TSSK3: variants seen among roughly 807,000 people sequenced by gnomAD.
TSSK3 encodes testis specific serine kinase 3, also known as testis-specific serine/threonine-protein kinase 3.
A neutral mutation model predicts 18.9 loss-of-function variants in TSSK3; 16 were observed. The ratio of observed to expected loss-of-function variants is 0.85; its 90% CI spans 0.57 to 1.28. The LOEUF is 1.28. Ranked by LOEUF, TSSK3 falls within the 50% of genes most tolerant of loss-of-function variation. TSSK3 has a pLI of 0.00. For missense variants in TSSK3, 345 were observed against 341.0 expected (o/e 1.01, Z -0.09); for synonymous variants, 146 against 133.9 (o/e 1.09, Z -0.62).
At chr1:32,363,006 G>C in intron 1 of TSSK3, 160 bp downstream of exon 1, 1 of 788,040 alleles carries the variant, frequency 1.3e-6, no homozygotes, top group East Asian at 2.5e-5. Flanking sequence ...GTGGGGAACA[G>C]AGGGGTTCTG....
At position 32,364,108 on chromosome 1, in the gene TSSK3, GGCA is replaced by G. The variant is rs1239007241; in HGVS notation, c.667_669del (p.Gln223del). On this transcript the variant is annotated inframe_deletion, in exon 2 of 2. Coordinates refer to ENST00000373534, the MANE Select transcript of TSSK3 (RefSeq NM_052841.4). The stretch of plus-strand genomic sequence containing the variant: ...GACACAGACATCCCCAAGATGCTGT[GGCA>G]GCAGCAGAAGGGGGTGTCCTTCCCC... 8 of 1,614,114 alleles carry G rather than the reference GGCA, an allele frequency of 5.0e-6. No homozygotes were observed. The highest frequency in any genetic ancestry group is 1.6e-4 in the Middle Eastern group (1 of 6,082).
In TSSK3 at chr1:32,362,832, T is replaced by C. The variant is rs148784034; in HGVS notation, c.131T>C (p.Met44Thr). 8.7e-6 allele frequency: 14 copies of C among 1,613,890 alleles called. No homozygotes were observed. Among genetic ancestry groups the C allele is most frequent in the African/African-American group, 2.7e-5 (2 of 74,854 alleles). The change falls in exon 1 of 2, where the codon ATG becomes ACG. Residue 44 changes from methionine to threonine, a missense_variant. Transcript: ENST00000373534. The stretch of plus-strand genomic sequence containing the variant: ...GTGGCAATTAAAGTTATAGACAAGA[T>C]GGGAGGGCCAGAAGGTGAGCCGGGG... The part of the protein sequence containing the change: ...RKVAIKVIDK[M>T]GGPEEFIQRF...
chr1:32,363,301 C>T, intron 1 of TSSK3: 1 of 421,088 alleles, frequency 2.4e-6, no homozygotes, highest in Non-Finnish European at 4.3e-6. Context: ...ATTTGTGATT[C>T]TGTGGCTTTG....
chr1:32,363,764 A>G lies in TSSK3; in HGVS notation c.315A>G (p.Pro105=), dbSNP rs1641756259. ...DVFDCVLNGG[P]LPESRAKALF... ...TTGACTGCGTGCTGAATGGGGGGCC[A>G]CTGCCTGAAAGCCGGGCCAAGGCCC... The change falls in exon 2 of 2, where the codon CCA becomes CCG. Residue 105 remains proline (P), a synonymous_variant. Transcript: ENST00000373534. The G allele has an allele frequency of 1.9e-6, 3 of 1,614,210 alleles. No individual in the cohort carries two copies. Among genetic ancestry groups the G allele is most frequent in the Non-Finnish European group, 2.5e-6 (3 of 1,180,042 alleles).
rs1641723521 is a variant in TSSK3, at chr1:32,362,562, G to A, written c.-140G>A. 2.0e-6 allele frequency: 2 copies of A among 989,828 alleles called. No individual in the cohort carries two copies. 61.3% of individuals were successfully genotyped at this position (989,828 alleles called of 1,614,324 possible). ...CACCACCCGCCGCTGTGTCCAGACAGAGAATGTTCTAACGCTGGGGGCGGC... is the reference window on the plus strand; with the variant it reads ...CACCACCCGCCGCTGTGTCCAGACAAAGAATGTTCTAACGCTGGGGGCGGC... On this transcript the variant is annotated 5_prime_UTR_variant, in exon 1 of 2. Transcript: ENST00000373534.
Position 32,363,646 on chromosome 1 carries a change from A to T in TSSK3, c.197A>T (p.Asp66Val). Residue 66 changes from aspartate (D) to valine (V), a missense_variant, in exon 2 of 2, where the codon GAC (aspartate) becomes GTC (valine). Physicochemically the swap from Asp to Val is radical, Grantham distance 152. Transcript: ENST00000373534. ...PRELQIVRTL[D>V]HKNIIQVYEM... ...GAGCTCCAAATCGTCCGTACCCTGG[A>T]CCACAAGAACATCATCCAGGTGTAT... 2 of 1,614,152 alleles carry T rather than the reference A, an allele frequency of 1.2e-6. No individual in the cohort carries two copies. Among genetic ancestry groups the T allele is most frequent in the Non-Finnish European group, 1.7e-6 (2 of 1,180,020 alleles).
Position 32,363,679 on chromosome 1 carries a change from T to C in TSSK3, c.230T>C (p.Leu77Pro), listed in dbSNP as rs1016112163. 1 of 1,614,114 alleles carries C rather than the reference T, an allele frequency of 6.2e-7. No homozygotes were observed. Among genetic ancestry groups the C allele is most frequent in the Admixed American group, 1.7e-5 (1 of 60,010 alleles). ...HKNIIQVYEM[L>P]ESADGKICLV... is the part of the protein sequence containing the mutation. ...AACATCATCCAGGTGTATGAGATGC[T>C]GGAGTCTGCCGACGGGAAAATCTGC... Residue 77 changes from leucine to proline, a missense_variant, in exon 2 of 2, where the codon CTG becomes CCG. Transcript: ENST00000373534.
chr1:32,363,917 G>A lies in TSSK3; in HGVS notation c.468G>A (p.Lys156=). The A allele has an allele frequency of 6.2e-7, 1 of 1,614,214 alleles. No homozygotes were observed. The highest frequency in any genetic ancestry group is 1.1e-5 in the South Asian group (1 of 91,090). The change falls in exon 2 of 2, where the codon AAG becomes AAA. Residue 156 remains lysine, a synonymous_variant. Coordinates refer to ENST00000373534, the MANE Select transcript of TSSK3 (RefSeq NM_052841.4). ...NLKLTDFGFA[K]VLPKSHRELS... Reference sequence around the variant, plus strand: ...AGCTGACTGACTTTGGCTTTGCCAAGGTGTTGCCCAAGTCACACCGGGAGC... The same window carrying A: ...AGCTGACTGACTTTGGCTTTGCCAAAGTGTTGCCCAAGTCACACCGGGAGC...
In TSSK3 at chr1:32,362,759, A is replaced by G. The variant is rs1374217552; in HGVS notation, c.58A>G (p.Thr20Ala). ...YQLGKTIGEG[T>A]YSKVKEAFSK... ...GCTGGGCAAGACCATTGGGGAAGGG[A>G]CCTACTCAAAAGTCAAAGAAGCATT... is the stretch of plus-strand genomic sequence containing the variant. Residue 20 changes from threonine to alanine, a missense_variant, in exon 1 of 2, where the codon ACC (threonine) becomes GCC (alanine). Physicochemically the swap from Thr to Ala is moderately conservative, Grantham distance 58. Coordinates refer to ENST00000373534, the MANE Select transcript of TSSK3 (RefSeq NM_052841.4). The G allele has an allele frequency of 1.9e-6, 3 of 1,614,120 alleles. No individual in the cohort carries two copies. The highest frequency in any genetic ancestry group is 1.7e-6 in the Non-Finnish European group (2 of 1,180,020).
At chr1:32,363,297 G>A (rs897509010) in intron 1 of TSSK3, 14 of 414,486 alleles carry the variant, frequency 3.4e-5, no homozygotes, top group Non-Finnish European at 4.8e-5. Context: ...TATAATTTGT[G>A]ATTCTGTGGC....
Position 32,362,783 on chromosome 1 carries a change from T to C in TSSK3, c.82T>C (p.Phe28Leu). The change falls in exon 1 of 2, where the codon TTT (phenylalanine) becomes CTT (leucine). Residue 28 changes from phenylalanine (F) to leucine (L), a missense_variant. Coordinates refer to ENST00000373534, the MANE Select transcript of TSSK3 (RefSeq NM_052841.4). ...GACCTACTCAAAAGTCAAAGAAGCA[T>C]TTTCCAAAAAACACCAAAGAAAAGT... ...EGTYSKVKEA[F>L]SKKHQRKVAI... 6.2e-7 allele frequency: 1 copy of C among 1,614,022 alleles called. No homozygotes were observed. The highest frequency in any genetic ancestry group is 1.3e-5 in the African/African-American group (1 of 74,964).
chr1:32,363,686 T>C lies in TSSK3; in HGVS notation c.237T>C (p.Ser79=). 1 of 1,614,234 alleles carries C rather than the reference T, an allele frequency of 6.2e-7. No individual in the cohort carries two copies. The highest frequency in any genetic ancestry group is 2.2e-5 in the East Asian group (1 of 44,876). The change falls in exon 2 of 2, where the codon TCT becomes TCC. Residue 79 remains serine (S), a synonymous_variant. Coordinates refer to ENST00000373534, the MANE Select transcript of TSSK3 (RefSeq NM_052841.4). ...TCCAGGTGTATGAGATGCTGGAGTC[T>C]GCCGACGGGAAAATCTGCCTGGTGA... is the stretch of plus-strand genomic sequence containing the variant. ...NIIQVYEMLE[S]ADGKICLVME...
At position 32,364,182 on chromosome 1, in the gene TSSK3, C is replaced by G. The variant is rs773781699; in HGVS notation, c.733C>G (p.Leu245Val). ...SADCQDLLKR[L>V]LEPDMILRPS... ...CGATTGCCAGGACCTGCTCAAGAGG[C>G]TCCTGGAACCCGATATGATCCTCCG... Residue 245 changes from leucine (L) to valine (V), a missense_variant, in exon 2 of 2, where the codon CTC becomes GTC. Leu to Val is a conservative substitution (Grantham distance 32, BLOSUM62 1). Coordinates refer to ENST00000373534, the MANE Select transcript of TSSK3 (RefSeq NM_052841.4). 1 of 1,613,844 alleles carries G rather than the reference C, an allele frequency of 6.2e-7. No homozygotes were observed. The highest frequency in any genetic ancestry group is 1.3e-5 in the African/African-American group (1 of 75,042).
chr1:32,363,444 T>C lies in TSSK3; in HGVS notation c.146-151T>C, dbSNP rs114634484. On this transcript the variant is annotated intron_variant, in intron 1 of 1. Transcript: ENST00000373534. ...TAATAGAAGTGAACATTCTTTGCAA[T>C]GTCCAAGCAGCTAGACACACTTAAG... The C allele has an allele frequency of 4.2e-3, 2,974 of 706,178 alleles. 66 individuals carry two copies. In the African/African-American group the frequency reaches 0.045, roughly 11 times the overall value. The allele number at this position is 706,178 out of a possible 1,614,324, so 43.7% of individuals were successfully genotyped here.
Position 32,362,544 on chromosome 1 carries a change from C to A in TSSK3, c.-158C>A, listed in dbSNP as rs927985109. ...TCTGGCCCTGTCCCTCCCCACCACCCGCCGCTGTGTCCAGACAGAGAATGT... is the reference window on the plus strand; with the variant it reads ...TCTGGCCCTGTCCCTCCCCACCACCAGCCGCTGTGTCCAGACAGAGAATGT... On this transcript the variant is annotated 5_prime_UTR_variant, in exon 1 of 2. Transcript: ENST00000373534. The A allele has an allele frequency of 3.6e-6, 3 of 827,286 alleles. No homozygotes were observed. Among genetic ancestry groups the A allele is most frequent in the East Asian group, 2.5e-5 (1 of 39,346 alleles). 51.2% of individuals were successfully genotyped at this position (827,286 alleles called of 1,614,324 possible). A position where few individuals can be genotyped will look rare whatever the true frequency, so the allele number is the denominator to read the frequency against.
chr1:32,362,679 A>C lies in TSSK3; in HGVS notation c.-23A>C. 6.2e-7 allele frequency: 1 copy of C among 1,613,594 alleles called. No homozygotes were observed. Among genetic ancestry groups the C allele is most frequent in the Non-Finnish European group, 8.5e-7 (1 of 1,179,728 alleles). The stretch of plus-strand genomic sequence containing the variant: ...AGAGGCAGCATGAGCTGAGAGGGTG[A>C]TAGGAAGGCGGCGCTAGACAGCATG... On this transcript the variant is annotated 5_prime_UTR_variant, in exon 1 of 2. It removes the in-frame stop codon of an upstream open reading frame in the 5' UTR. Coordinates refer to ENST00000373534, the MANE Select transcript of TSSK3 (RefSeq NM_052841.4).
Position 32,362,829 on chromosome 1 carries a change from A to G in TSSK3, c.128A>G (p.Lys43Arg). ...AAAGTGGCAATTAAAGTTATAGACA[A>G]GATGGGAGGGCCAGAAGGTGAGCCG... ...QRKVAIKVID[K>R]MGGPEEFIQR... Residue 43 changes from lysine to arginine, a missense_variant, in exon 1 of 2, where the codon AAG (lysine) becomes AGG (arginine). Transcript: ENST00000373534. 1.2e-6 allele frequency: 2 copies of G among 1,614,202 alleles called. No homozygotes were observed. The highest frequency in any genetic ancestry group is 1.7e-6 in the Non-Finnish European group (2 of 1,180,024).
intron 1 of TSSK3, chr1:32,363,314 TA>T (rs1230748798): frequency 6.7e-6 from 3 of 445,620 alleles, no homozygotes; most frequent in Admixed American, 7.5e-5. Context: ...TGGCTTTGTC[TA>T]AAAGTCCCTA....
In TSSK3 at chr1:32,363,728, A is replaced by G; in HGVS notation, c.279A>G (p.Gly93=). 2 of 1,612,704 alleles carry G rather than the reference A, an allele frequency of 1.2e-6. No individual in the cohort carries two copies. The highest frequency in any genetic ancestry group is 1.1e-5 in the South Asian group (1 of 90,824). ...GCCTGGTGATGGAGCTCGCTGAGGG[A>G]GGGGATGTCTTTGACTGCGTGCTGA... ...KICLVMELAE[G]GDVFDCVLNG... is the part of the protein sequence containing the mutation. Residue 93 remains glycine, a synonymous_variant, in exon 2 of 2, where the codon GGA becomes GGG. Coordinates refer to ENST00000373534, the MANE Select transcript of TSSK3 (RefSeq NM_052841.4).
Sources: gnomAD v4.1 joint callset for allele counts on GRCh38, gnomAD v4.1.1 for gene constraint, MANE v1.5 for transcripts, NCBI Gene and HGNC (gene_info 2026-07-23, HGNC 2026-07-21) for gene names.